TBCK: variants seen among roughly 807,000 people sequenced by gnomAD.
TBCK encodes TBC1 domain containing kinase.
Under a neutral mutation model 113.4 loss-of-function variants are expected in TBCK, and 99 were observed. That is an observed-to-expected ratio of 0.87 (90% CI 0.74 to 1.03). The LOEUF (loss-of-function observed/expected upper bound fraction) is 1.03. Among genes scored for constraint, TBCK ranks in the 50% least tolerant of loss-of-function variants. The pLI is 0.00. For missense variants in TBCK, 1,045 were observed against 1,061.3 expected (o/e 0.98, Z 0.21); for synonymous variants, 369 against 370.8 (o/e 1.00, Z 0.05).
rs181130512 is a variant in TBCK at position 106,231,135 on chromosome 4, C to T, written c.1690+594G>A. 5.8e-4 allele frequency among the ~76,000 whole-genome samples: 88 copies of T among 151,514 alleles called. 3 individuals are homozygous for T. The highest frequency in any genetic ancestry group is 1.7e-3 in the Admixed American group (26 of 15,192). The stretch of plus-strand genomic sequence containing the variant: ...CATTCAAGCTATATACAGTAACACA[C>T]TCTATATGTGATTTCAGGGATTGGA... On this transcript the variant is annotated intron_variant, in intron 18 of 25. Coordinates refer to ENST00000394708, the MANE Select transcript of TBCK (RefSeq NM_001163435.3).
chr4:106,060,198 A>G (rs748899061), intron 25 of TBCK, among the ~76,000 whole-genome samples: 16 of 151,834 alleles, frequency 1.1e-4, no homozygotes, highest in Non-Finnish European at 2.1e-4. Context: ...TGCTGATGAC[A>G]CTAAACAGAT....
In TBCK at chr4:106,141,256, T is replaced by C. The variant is rs1211789774; in HGVS notation, c.2236-24878A>G. Among the ~76,000 whole-genome samples, 8 of 140,270 alleles carry C rather than the reference T, an allele frequency of 5.7e-5. 3 individuals are homozygous for C. The highest frequency in any genetic ancestry group is 1.3e-4 in the Non-Finnish European group (8 of 61,852). 92.0% of individuals were successfully genotyped at this position (140,270 alleles called of 152,430 possible). ...AAAATTATAATTTGTAGATGATAAA[T>C]AGAAAATTTGAATCAAATGAAAAAT... is the stretch of plus-strand genomic sequence containing the variant. On this transcript the variant is annotated intron_variant, in intron 23 of 25. Coordinates refer to ENST00000394708, the MANE Select transcript of TBCK (RefSeq NM_001163435.3).
At chr4:106,056,328 C>G (rs1393779019) in intron 25 of TBCK, among the ~76,000 whole-genome samples, 1 of 146,666 alleles carries the variant, frequency 6.8e-6, no homozygotes, top group African/African-American at 2.5e-5. Context: ...TGGTATCGAA[C>G]TCCTGGGATC....
At position 106,247,225 on chromosome 4, in the gene TBCK, G is replaced by T. The variant is rs778242457; in HGVS notation, c.845C>A (p.Pro282His). ...VFSEVSPLYT[P>H]FTKPASLFSS... ...AAACAGACTGGCAGGTTTGGTAAAG[G>T]GGGTATATAAAGGTGATACCTCACT... The change falls in exon 10 of 26, where the codon CCC (proline) becomes CAC (histidine). Residue 282 changes from proline to histidine, a missense_variant. Transcript: ENST00000394708. The T allele has an allele frequency of 2.5e-6, 4 of 1,613,048 alleles. No homozygotes were observed. Among genetic ancestry groups the T allele is most frequent in the East Asian group, 2.2e-5 (1 of 44,846 alleles).
At chr4:106,073,999 A>G (rs757390547) in intron 25 of TBCK, among the ~76,000 whole-genome samples, 6 of 152,118 alleles carry the variant, frequency 3.9e-5, no homozygotes, top group South Asian at 2.1e-4. Flanking sequence ...GAATGTCCCA[A>G]TTTTCCTGGT....
intron 20 of TBCK, among the ~76,000 whole-genome samples, chr4:106,204,987 G>A (rs1004468431): frequency 6.6e-6 from 1 of 151,228 alleles, no homozygotes; most frequent in African/African-American, 2.4e-5. Context: ...GGATGGTCTC[G>A]ATCTCCTGAC....
At chr4:106,181,188 A>G (rs1752333499) in intron 22 of TBCK, among the ~76,000 whole-genome samples, 1 of 152,060 alleles carries the variant, frequency 6.6e-6, no homozygotes, top group Non-Finnish European at 1.5e-5. Context: ...GTCTGTTCAT[A>G]TCCTTTGCCC....
intron 2 of TBCK, among the ~76,000 whole-genome samples, chr4:106,303,332 C>T (rs1012093474): frequency 2.0e-5 from 3 of 152,044 alleles, no homozygotes; most frequent in African/African-American, 4.8e-5. Context: ...GCTTTTAAGC[C>T]CTTTTTTCTT....
chr4:106,076,100 A>C (rs1269623142), intron 25 of TBCK, among the ~76,000 whole-genome samples: 1 of 152,218 alleles, frequency 6.6e-6, no homozygotes, highest in East Asian at 1.9e-4. Context: ...ATAAAACAAT[A>C]GCTCTGTAGA....
intron 3 of TBCK, among the ~76,000 whole-genome samples, chr4:106,294,682 C>G (rs1271837757): frequency 2.0e-5 from 3 of 151,578 alleles, no homozygotes; most frequent in African/African-American, 7.3e-5. Flanking sequence ...AGGGTTTCAC[C>G]GTGTTAGCCA....
chr4:106,070,125 C>T (rs1560602475), intron 25 of TBCK, among the ~76,000 whole-genome samples: 1 of 151,994 alleles, frequency 6.6e-6, no homozygotes, highest in Non-Finnish European at 1.5e-5. Flanking sequence ...AATTGAATAC[C>T]CTTTATTTCT....
intron 20 of TBCK, among the ~76,000 whole-genome samples, chr4:106,200,461 G>A (rs971770887): frequency 8.5e-5 from 13 of 152,104 alleles, no homozygotes; most frequent in African/African-American, 2.4e-4. Context: ...GATTACTTGA[G>A]CCCAAGAGGT....
At chr4:106,226,187 G>A (rs1440717405) in intron 19 of TBCK, among the ~76,000 whole-genome samples, 1 of 152,024 alleles carries the variant, frequency 6.6e-6, no homozygotes, top group Non-Finnish European at 1.5e-5. Flanking sequence ...AAAAAAGCCT[G>A]CAATTAGAAA....
At chr4:106,089,330 C>T (rs1026048032) in intron 25 of TBCK, among the ~76,000 whole-genome samples, 9 of 152,148 alleles carry the variant, frequency 5.9e-5, no homozygotes, top group Non-Finnish European at 1.2e-4. Context: ...GAGCGATCTT[C>T]CCCCATAATC....
intron 23 of TBCK, among the ~76,000 whole-genome samples, chr4:106,142,834 G>C (rs1410766693): frequency 6.6e-6 from 1 of 152,072 alleles, no homozygotes; most frequent in Non-Finnish European, 1.5e-5. Flanking sequence ...ATCACTACAG[G>C]AGCTGTCTCA....
At chr4:106,282,329 CTTT>C (rs1294974851) in intron 3 of TBCK, among the ~76,000 whole-genome samples, 1 of 151,560 alleles carries the variant, frequency 6.6e-6, no homozygotes, top group Non-Finnish European at 1.5e-5. Context: ...TGTAAATCTT[CTTT>C]ATCTTTTTTA....
intron 3 of TBCK, among the ~76,000 whole-genome samples, chr4:106,282,526 T>C (rs1306968835): frequency 6.6e-6 from 1 of 152,094 alleles, no homozygotes; most frequent in East Asian, 1.9e-4. Flanking sequence ...TTTATTGATG[T>C]AGATGATTAT....
intron 25 of TBCK, among the ~76,000 whole-genome samples, chr4:106,084,239 A>G (rs1177844100): frequency 1.3e-5 from 2 of 152,222 alleles, no homozygotes; most frequent in Non-Finnish European, 2.9e-5. Context: ...AGAGAGGAAC[A>G]TAAACGACCT....
chr4:106,173,843 A>G (rs1290463787), intron 22 of TBCK, among the ~76,000 whole-genome samples: 1 of 152,134 alleles, frequency 6.6e-6, no homozygotes, highest in East Asian at 1.9e-4. Flanking sequence ...ATCTCTCATT[A>G]CATGGCACTA....
Sources: allele counts gnomAD v4.1 joint callset (sites outside exome capture counted in the v4.1 genomes callset), GRCh38; gene constraint gnomAD v4.1.1; transcripts MANE v1.5; gene names NCBI Gene and HGNC (gene_info 2026-07-23, HGNC 2026-07-21).